DDX18: variants seen among roughly 807,000 people sequenced by gnomAD.
DDX18 encodes the protein ATP-dependent RNA helicase DDX18.
DDX18 carries 23 observed loss-of-function variants against 73.5 expected under a neutral mutation model. The ratio of observed to expected loss-of-function variants is 0.31; its 90% confidence interval spans 0.23 to 0.44. The LOEUF is 0.44. DDX18 is among the 20% of genes least tolerant of loss of function. The pLI is 1.00. For synonymous variants in DDX18, 268 were observed against 282.7 expected, an observed-to-expected ratio of 0.95 and a Z score of 0.52; for missense variants, 753 against 792.9, an observed-to-expected ratio of 0.95 and a Z score of 0.60.
rs368693109 is a variant in DDX18 at position 117,825,356 on chromosome 2, C to G, written c.1369-91C>G. On this transcript the variant is annotated intron_variant, in intron 9 of 13. Coordinates refer to ENST00000263239, the MANE Select transcript of DDX18 (RefSeq NM_006773.4). ...TAGGACATAGGCCAAGGGATGAGCT[C>G]GAAATAGGGTAACAGTTCCACAATT... 5.1e-3 allele frequency: 3,291 copies of G among 640,074 alleles called. 76 individuals carry two copies. The African/African-American group carries it at 0.13, about 26-fold the overall frequency. 39.6% of individuals were successfully genotyped at this position (640,074 alleles called of 1,614,324 possible). A position where few individuals can be genotyped will look rare whatever the true frequency, so the allele number is the denominator to read the frequency against.
chr2:117,824,346 A>G (rs1165732700), intron 7 of DDX18: 3 of 372,584 alleles, frequency 8.1e-6, no homozygotes, highest in Non-Finnish European at 1.4e-5. Context: ...TATTTTCTTC[A>G]GTTGTTTGTC....
rs560115173 is a variant in DDX18, at chr2:117,821,657, C to G, written c.658C>G (p.Leu220Val). The stretch of plus-strand genomic sequence containing the variant: ...TCCCTTTTTAATATTTAGGGATCTT[C>G]TAGCAGCTGCAAAAACAGGCAGTGG... ...IRPLLEGRDL[L>V]AAAKTGSGKT... The change falls in exon 5 of 14, where the codon CTA (leucine) becomes GTA (valine). Residue 220 changes from leucine to valine, a missense_variant. Leu to Val is a conservative substitution (Grantham distance 32). Coordinates refer to ENST00000263239, the MANE Select transcript of DDX18 (RefSeq NM_006773.4). The G allele has an allele frequency of 6.2e-7, 1 of 1,613,916 alleles. No individual in the cohort carries two copies. The highest frequency in any genetic ancestry group is 2.2e-5 in the East Asian group (1 of 44,886).
intron 1 of DDX18, 41 bp from the exon 2 acceptor site, chr2:117,817,403 C>T (rs200092596): frequency 9.9e-6 from 15 of 1,516,392 alleles, no homozygotes; most frequent in East Asian, 2.3e-5. Flanking sequence ...AAGTAAACTT[C>T]TCCTTCTTTG....
rs1219898774 is a variant in DDX18 at position 117,825,443 on chromosome 2, C to T, written c.1369-4C>T. On this transcript the variant is annotated splice_region_variant and splice_polypyrimidine_tract_variant and intron_variant, in intron 9 of 13. Transcript: ENST00000263239. ...CTCTAATGGATGTTTTTATTTAATT[C>T]TAGGGAAAGCAAAAGCAAAATAAGC... 12 of 1,609,566 alleles carry T rather than the reference C, an allele frequency of 7.5e-6. No individual in the cohort carries two copies. The highest frequency in any genetic ancestry group is 3.4e-4 in the Middle Eastern group (2 of 5,956).
intron 7 of DDX18, among the ~76,000 whole-genome samples, chr2:117,823,691 A>G (rs1245926015): frequency 6.6e-6 from 1 of 152,118 alleles, no homozygotes; most frequent in African/African-American, 2.4e-5. Context: ...ATGGTGCTGA[A>G]TAGAAGTGGT....
chr2:117,830,545 A>G, intron 13 of DDX18, 37 bp from the exon 14 acceptor site: 1 of 1,603,874 alleles, frequency 6.2e-7, no homozygotes, highest in Non-Finnish European at 8.5e-7. Context: ...GGAGTTCATT[A>G]TCTTTTTTGC....
At chr2:117,819,467 C>T (rs549242382) in intron 2 of DDX18, among the ~76,000 whole-genome samples, 182 bp from the exon 3 acceptor site, 5 of 152,114 alleles carry the variant, frequency 3.3e-5, no homozygotes, top group African/African-American at 1.2e-4. Flanking sequence ...TCTGTCTGTA[C>T]CCTGGGTTTT....
At chr2:117,826,762 C>G (rs1679934517) in intron 11 of DDX18, 4 of 204,916 alleles carry the variant, frequency 2.0e-5, no homozygotes. Flanking sequence ...GCTCTAGCCT[C>G]TGCCTCCTCC....
chr2:117,824,238 G>A lies in DDX18; in HGVS notation c.1067-331G>A, dbSNP rs367738596. On this transcript the variant is annotated intron_variant, in intron 7 of 13. Coordinates refer to ENST00000263239, the MANE Select transcript of DDX18 (RefSeq NM_006773.4). ...ATGTTTTTTTCTTAAATGTTCAGTA[G>A]AATTCACCAATGGAATCCATTTGGG... The A allele has an allele frequency of 5.7e-5, 10 of 175,714 alleles. No homozygotes were observed. In the East Asian group the frequency reaches 8.8e-4, roughly 15 times the overall value. 10.9% of individuals were successfully genotyped at this position (175,714 alleles called of 1,614,324 possible).
intron 2 of DDX18, among the ~76,000 whole-genome samples, chr2:117,819,443 G>A (rs1300743263): frequency 6.6e-6 from 1 of 152,094 alleles, no homozygotes; most frequent in African/African-American, 2.4e-5. Context: ...AGCCTAAAAG[G>A]TTTTGTCACC....
intron 9 of DDX18, 74 bp from the exon 10 acceptor site, chr2:117,825,373 T>A: frequency 2.0e-6 from 3 of 1,486,376 alleles, no homozygotes; most frequent in Non-Finnish European, 2.8e-6. Context: ...GGGTAACAGT[T>A]CCACAATTTG....
In DDX18 at chr2:117,814,795, G is replaced by A. The variant is rs751911922; in HGVS notation, c.18G>A (p.Met6Ile). The A allele has an allele frequency of 6.2e-7, 1 of 1,614,204 alleles. No individual in the cohort carries two copies. The highest frequency in any genetic ancestry group is 8.5e-7 in the Non-Finnish European group (1 of 1,180,028). The change falls in exon 1 of 14, where the codon ATG becomes ATA. Residue 6 changes from methionine to isoleucine, a missense_variant. This residue lies in a region of DDX18 where 345 missense variants were observed against 352.0 expected (regional missense o/e 0.98). Transcript: ENST00000263239. ...TGGGCAGAATGTCACACCTGCCGATGAAACTCCTGCGTAAGAAGATCGAGA... is the reference window on the plus strand; with the variant it reads ...TGGGCAGAATGTCACACCTGCCGATAAAACTCCTGCGTAAGAAGATCGAGA... Reference protein sequence around the residue: MSHLPMKLLRKKIEKR... With the variant: MSHLPIKLLRKKIEKR...
Position 117,814,841 on chromosome 2 carries a change from C to A in DDX18, c.64C>A (p.Gln22Lys), listed in dbSNP as rs1372812077. ...KIEKRNLKLR[Q>K]RNLKFQGASN... Reference sequence around the variant, plus strand: ...CGAGAAGCGGAACCTCAAATTGCGGCAGCGGAACCTAAAGTTTCAGGGTGA... The same window carrying A: ...CGAGAAGCGGAACCTCAAATTGCGGAAGCGGAACCTAAAGTTTCAGGGTGA... Residue 22 changes from glutamine to lysine, a missense_variant, in exon 1 of 14, where the codon CAG becomes AAG. Transcript: ENST00000263239. 2.5e-6 allele frequency: 4 copies of A among 1,614,062 alleles called. No homozygotes were observed. Among genetic ancestry groups the A allele is most frequent in the African/African-American group, 1.3e-5 (1 of 74,932 alleles).
Position 117,821,148 on chromosome 2 carries a change from G to A in DDX18, c.515-13G>A, listed in dbSNP as rs891365202. The A allele has an allele frequency of 6.6e-7, 1 of 1,525,482 alleles. No homozygotes were observed. The highest frequency in any genetic ancestry group is 8.8e-7 in the Non-Finnish European group (1 of 1,139,080). 94.5% of individuals were successfully genotyped at this position (1,525,482 alleles called of 1,614,324 possible). On this transcript the variant is annotated splice_polypyrimidine_tract_variant and intron_variant, in intron 3 of 13. Coordinates refer to ENST00000263239, the MANE Select transcript of DDX18 (RefSeq NM_006773.4). ...AAGATAAATTTGCTAATGATAAATT[G>A]TCTTCTGTTTAGGAGCTTTTGAGGA...
chr2:117,820,168 A>G (rs1679823964), intron 3 of DDX18, among the ~76,000 whole-genome samples: 1 of 152,262 alleles, frequency 6.6e-6, no homozygotes. Flanking sequence ...AGTTTAGGCT[A>G]GAATTCACTG....
chr2:117,827,100 T>C (rs1247472451), intron 11 of DDX18: 1 of 152,316 alleles, frequency 6.6e-6, no homozygotes, highest in Admixed American at 6.5e-5. Flanking sequence ...ATATCAGGCC[T>C]TCTCCTGCCT....
In DDX18 at chr2:117,824,999, G is replaced by T. The variant is rs762223882; in HGVS notation, c.1266G>T (p.Lys422Asn). Residue 422 changes from lysine to asparagine, a missense_variant, in exon 9 of 14, where the codon AAG (lysine) becomes AAT (asparagine). Lys to Asn is a moderately conservative substitution (Grantham distance 94). Coordinates refer to ENST00000263239, the MANE Select transcript of DDX18 (RefSeq NM_006773.4). ...RFLLLFTFLK[K>N]NRKKKLMVFF... ...TTCTGCTCTTTACATTCCTTAAGAA[G>T]AACCGAAAGAAGAAGCTTATGGTCT... 19 of 1,613,724 alleles carry T rather than the reference G, an allele frequency of 1.2e-5. No homozygotes were observed. Among genetic ancestry groups the T allele is most frequent in the Non-Finnish European group, 1.6e-5 (19 of 1,179,896 alleles).
Position 117,821,705 on chromosome 2 carries a change from C to A in DDX18, c.706C>A (p.Pro236Thr). The A allele has an allele frequency of 6.2e-7, 1 of 1,614,008 alleles. No individual in the cohort carries two copies. The highest frequency in any genetic ancestry group is 8.5e-7 in the Non-Finnish European group (1 of 1,179,926). The change falls in exon 5 of 14, where the codon CCT becomes ACT. Residue 236 changes from proline to threonine, a missense_variant. This residue lies in a region of DDX18 where 345 missense variants were observed against 352.0 expected (regional missense o/e 0.98). Coordinates refer to ENST00000263239, the MANE Select transcript of DDX18 (RefSeq NM_006773.4). ...TGGTAAAACCCTGGCTTTTCTCATCCCTGCAGTTGAACTCATTGTTAAGTT... is the reference window on the plus strand; with the variant it reads ...TGGTAAAACCCTGGCTTTTCTCATCACTGCAGTTGAACTCATTGTTAAGTT... ...GSGKTLAFLI[P>T]AVELIVKLRF...
chr2:117,829,229 G>T (rs928458467), intron 12 of DDX18, 60 bp from the exon 13 acceptor site: 1 of 1,504,770 alleles, frequency 6.6e-7, no homozygotes, highest in Non-Finnish European at 8.9e-7. Context: ...TTAAAATCTG[G>T]TGTTTTGGAG....
Sources: allele counts gnomAD v4.1 joint callset (sites outside exome capture counted in the v4.1 genomes callset), GRCh38; gene constraint gnomAD v4.1.1; regional missense constraint gnomAD v4.1.1; transcripts MANE v1.5; gene names NCBI Gene and HGNC (gene_info 2026-07-23, HGNC 2026-07-21).